The following KATNIP variants were observed in gnomAD, a reference collection of about 807,000 sequenced individuals.
The protein encoded by KATNIP is katanin-interacting protein.
KATNIP carries 126 observed loss-of-function variants against 174.0 expected under a neutral mutation model. The ratio of observed to expected loss-of-function variants is 0.72; its 90% CI spans 0.63 to 0.84. KATNIP has a LOEUF of 0.84. Among genes scored for constraint, KATNIP ranks in the 40% least tolerant of loss-of-function variants. KATNIP has a pLI of 0.00. For synonymous variants in KATNIP, 810 were observed against 835.7 expected, an observed-to-expected ratio of 0.97 and a Z score of 0.53; for missense variants, 1,958 against 2,109.7, an observed-to-expected ratio of 0.93 and a Z score of 1.41.
At chr16:27,675,402 G>T (rs1288276184) in intron 6 of KATNIP, among the ~76,000 whole-genome samples, 1 of 152,122 alleles carries the variant, frequency 6.6e-6, no homozygotes, top group East Asian at 1.9e-4. Flanking sequence ...CTGAGATTTG[G>T]GTGGGGACAC....
At chr16:27,732,723 C>T (rs2080741628) in intron 14 of KATNIP, among the ~76,000 whole-genome samples, 1 of 152,222 alleles carries the variant, frequency 6.6e-6, no homozygotes, top group African/African-American at 2.4e-5. Flanking sequence ...CCATAGCCCT[C>T]CATATCTCGA....
At position 27,695,846 on chromosome 16, in the gene KATNIP, G is replaced by A. The variant is rs537888482; in HGVS notation, c.941-2482G>A. Among the ~76,000 whole-genome samples the A allele has an allele frequency of 1.7e-3, 265 of 151,928 alleles. 1 individual carries two copies. The highest frequency in any genetic ancestry group is 6.8e-3 in the Middle Eastern group (2 of 294). The stretch of plus-strand genomic sequence containing the variant: ...GATGTTACACTGACCTCCCCTCCCC[G>A]CCCCAATGTATCCATCCATTACCCA... On this transcript the variant is annotated intron_variant, in intron 8 of 27. Transcript: ENST00000261588.
At chr16:27,619,440 G>A (rs531097658) in intron 3 of KATNIP, among the ~76,000 whole-genome samples, 319 of 152,292 alleles carry the variant, frequency 2.1e-3, no homozygotes, top group African/African-American at 7.4e-3. Flanking sequence ...GAAGAAAGGG[G>A]AATGGGTACG....
At chr16:27,683,886 C>A (rs897234382) in intron 8 of KATNIP, among the ~76,000 whole-genome samples, 2 of 152,084 alleles carry the variant, frequency 1.3e-5, no homozygotes, top group Non-Finnish European at 2.9e-5. Flanking sequence ...ACTATCTGAA[C>A]CAATCTAAAT....
chr16:27,632,145 C>T (rs1373964382), intron 5 of KATNIP, among the ~76,000 whole-genome samples: 2 of 152,206 alleles, frequency 1.3e-5, no homozygotes, highest in African/African-American at 4.8e-5. Context: ...TATTTTACCT[C>T]ATAGTCACTC....
intron 2 of KATNIP, among the ~76,000 whole-genome samples, chr16:27,578,591 T>C (rs1006689955): frequency 6.6e-6 from 1 of 152,056 alleles, no homozygotes; most frequent in African/African-American, 2.4e-5. Context: ...CATTTCTTTT[T>C]TTTTGAGACA....
intron 1 of KATNIP, among the ~76,000 whole-genome samples, chr16:27,563,939 CTG>C (rs1328954132): frequency 2.7e-5 from 4 of 147,304 alleles, no homozygotes; most frequent in African/African-American, 1.0e-4. Context: ...TGGCACATAC[CTG>C]TGTCCTAGCT....
At position 27,564,945 on chromosome 16, in the gene KATNIP, G is replaced by T. The variant is rs144779974; in HGVS notation, c.8-8956G>T. On this transcript the variant is annotated intron_variant, in intron 1 of 27. Transcript: ENST00000261588. ...CACCCGGCTAATTTTTTGTATTTTT[G>T]GTAGAGACAGGGTTTCACCATGTTA... Among the ~76,000 whole-genome samples, 679 of 151,576 alleles carry T rather than the reference G, an allele frequency of 4.5e-3. 3 individuals carry two copies. The highest frequency in any genetic ancestry group is 0.016 in the African/African-American group (643 of 41,402).
intron 14 of KATNIP, among the ~76,000 whole-genome samples, chr16:27,726,970 G>T (rs2080475745): frequency 6.6e-6 from 1 of 152,196 alleles, no homozygotes; most frequent in Non-Finnish European, 1.5e-5. Context: ...AATATAGTAT[G>T]GTCAGAGCCA....
intron 5 of KATNIP, among the ~76,000 whole-genome samples, chr16:27,645,817 A>T (rs2142308997): frequency 6.6e-6 from 1 of 152,234 alleles, no homozygotes; most frequent in African/African-American, 2.4e-5. Flanking sequence ...AGGAAAACAG[A>T]GTTTTCTCTG....
intron 14 of KATNIP, among the ~76,000 whole-genome samples, 198 bp downstream of exon 14, chr16:27,721,893 T>A (rs1253997892): frequency 6.6e-6 from 1 of 152,156 alleles, no homozygotes; most frequent in Non-Finnish European, 1.5e-5. Context: ...CTGCTGGTGT[T>A]GGGAGGTGGT....
chr16:27,750,728 A>G (rs957204697), intron 16 of KATNIP, among the ~76,000 whole-genome samples: 2 of 130,348 alleles, frequency 1.5e-5, no homozygotes, highest in African/African-American at 5.8e-5. Context: ...CACCGCGCCC[A>G]GCCCTTTTTT....
chr16:27,631,029 G>A, intron 4 of KATNIP, 36 bp from the exon 5 acceptor site: 2 of 1,501,456 alleles, frequency 1.3e-6, no homozygotes, highest in Non-Finnish European at 1.8e-6. Flanking sequence ...TGTCATCAGT[G>A]CCTCACCAAG....
intron 14 of KATNIP, chr16:27,727,746 A>G (rs898208762): frequency 2.0e-5 from 3 of 152,268 alleles, no homozygotes; most frequent in Non-Finnish European, 4.4e-5. Context: ...TGAGGCGTGT[A>G]TCCATCACCT....
rs530862923 is a variant in KATNIP, at chr16:27,699,494, C to A, written c.1114-40C>A. ...TCTGTGAACAGCATGGAGTGAATGG[C>A]TTTGTTCCAACATCACATCATGTGA... On this transcript the variant is annotated intron_variant, in intron 9 of 27. Transcript: ENST00000261588. 37 of 1,612,306 alleles carry A rather than the reference C, an allele frequency of 2.3e-5. No individual in the cohort carries two copies. In the South Asian group the frequency reaches 3.7e-4, roughly 16 times the overall value.
Position 27,721,812 on chromosome 16 carries a change from C to A in KATNIP, c.1743+117C>A, listed in dbSNP as rs928486473. ...GGATACACGGAAGCCCTGCTGGCCT[C>A]GTGTGTGCAGCAAGAGCCTGCTGGT... On this transcript the variant is annotated intron_variant, in intron 14 of 27. Transcript: ENST00000261588. The A allele has an allele frequency of 8.3e-5, 96 of 1,153,450 alleles. No homozygotes were observed. In the African/African-American group the frequency reaches 1.4e-3, roughly 16 times the overall value. 71.5% of individuals were successfully genotyped at this position (1,153,450 alleles called of 1,614,324 possible).
intron 2 of KATNIP, among the ~76,000 whole-genome samples, chr16:27,596,303 T>G (rs1022398460): frequency 3.3e-5 from 5 of 151,652 alleles, no homozygotes; most frequent in Non-Finnish European, 7.4e-5. Flanking sequence ...GGATTAGATA[T>G]GGGTGGGAGA....
chr16:27,750,690 C>T (rs952709598), intron 16 of KATNIP, among the ~76,000 whole-genome samples: 1 of 150,246 alleles, frequency 6.7e-6, no homozygotes, highest in African/African-American at 2.5e-5. Flanking sequence ...TCTCGGCCTC[C>T]CAAAGTGTTG....
chr16:27,594,120 C>T (rs1001114642), intron 2 of KATNIP, among the ~76,000 whole-genome samples: 2 of 151,444 alleles, frequency 1.3e-5, no homozygotes, highest in South Asian at 2.1e-4. Context: ...ATTAACCGGG[C>T]GTGGTGGTGT....
Sources: allele counts gnomAD v4.1 joint callset (sites outside exome capture counted in the v4.1 genomes callset), GRCh38; gene constraint gnomAD v4.1.1; transcripts MANE v1.5; gene names NCBI Gene and HGNC (gene_info 2026-07-23, HGNC 2026-07-21).